Variants in SMPD3 observed in about 807,000 individuals in gnomAD.
The protein encoded by SMPD3 is sphingomyelin phosphodiesterase 3.
In SMPD3, 21 loss-of-function variants were observed where a neutral mutation model predicts 55.7. The ratio of observed to expected loss-of-function variants is 0.38; its 90% CI spans 0.27 to 0.54. The LOEUF (loss-of-function observed/expected upper bound fraction) is 0.54, where lower values mean the gene tolerates loss of function less well. Ranked by LOEUF, SMPD3 falls within the 20% of genes least tolerant of loss-of-function variation. The pLI is 0.80. For missense variants in SMPD3, 842 were observed against 899.6 expected (o/e 0.94, Z 0.82); for synonymous variants, 457 against 404.3 (o/e 1.13, Z -1.56).
intron 3 of SMPD3, 49 bp downstream of exon 3, chr16:68,370,800 CCTACATGGCT>C: frequency 1.3e-6 from 2 of 1,594,978 alleles, no homozygotes; most frequent in Non-Finnish European, 1.7e-6. Flanking sequence ...AGCCCCCCTG[CCTACATGGCT>C]CTAGGACCAG....
chr16:68,446,070 C>T (rs1186605122), intron 1 of SMPD3, among the ~76,000 whole-genome samples: 1 of 152,210 alleles, frequency 6.6e-6, no homozygotes, highest in Non-Finnish European at 1.5e-5. Context: ...TGCCTTGCAA[C>T]GTAGTCCTGC....
chr16:68,423,048 C>A (rs1233580320), intron 1 of SMPD3, among the ~76,000 whole-genome samples: 1 of 152,208 alleles, frequency 6.6e-6, no homozygotes, highest in Non-Finnish European at 1.5e-5. Flanking sequence ...ATCTTCACAA[C>A]AACCTAAGAG....
intron 2 of SMPD3, among the ~76,000 whole-genome samples, chr16:68,379,405 G>T (rs574111165): frequency 6.6e-6 from 1 of 152,350 alleles, no homozygotes; most frequent in African/African-American, 2.4e-5. Flanking sequence ...AGTTGCAGAT[G>T]GTGCACGTGC....
At chr16:68,412,579 T>C (rs942817043) in intron 1 of SMPD3, among the ~76,000 whole-genome samples, 1 of 152,246 alleles carries the variant, frequency 6.6e-6, no homozygotes, top group Non-Finnish European at 1.5e-5. Context: ...CTGCTTCATT[T>C]AACACACAGT....
intron 8 of SMPD3, 41 bp downstream of exon 8, chr16:68,361,562 T>TA: frequency 6.3e-7 from 1 of 1,598,642 alleles, no homozygotes; most frequent in Non-Finnish European, 8.5e-7. Context: ...GGCCCTGCTC[T>TA]CTCTTTGCAT....
chr16:68,432,353 T>C (rs2090487359), intron 1 of SMPD3, among the ~76,000 whole-genome samples: 1 of 152,160 alleles, frequency 6.6e-6, no homozygotes, highest in African/African-American at 2.4e-5. Flanking sequence ...AGGATTCTTA[T>C]ATAAGAGAAA....
intron 1 of SMPD3, among the ~76,000 whole-genome samples, chr16:68,394,564 G>A (rs535794877): frequency 2.6e-4 from 39 of 152,246 alleles, no homozygotes; most frequent in African/African-American, 7.7e-4. Context: ...TTTATTAGGC[G>A]CCTACTGCAT....
rs2088986196 is a variant in SMPD3, at chr16:68,358,574, T to A, written c.*2632A>T. The A allele has an allele frequency of 6.5e-6, 1 of 152,674 alleles. No individual in the cohort carries two copies. The highest frequency in any genetic ancestry group is 6.5e-5 in the Admixed American group (1 of 15,284). 9.5% of individuals were successfully genotyped at this position (152,674 alleles called of 1,614,324 possible). A position where few individuals can be genotyped will look rare whatever the true frequency, so the allele number is the denominator to read the frequency against. ...AAAAATACAGAAATTAAAAAAGTTTTTATAACAGTATTTCTAAATCTCAGC... is the reference window on the plus strand; with the variant it reads ...AAAAATACAGAAATTAAAAAAGTTTATATAACAGTATTTCTAAATCTCAGC... On this transcript the variant is annotated 3_prime_UTR_variant, in exon 9 of 9. Coordinates refer to ENST00000219334, the MANE Select transcript of SMPD3 (RefSeq NM_018667.4).
intron 1 of SMPD3, among the ~76,000 whole-genome samples, chr16:68,417,877 G>C (rs1380951901): frequency 1.3e-5 from 2 of 152,160 alleles, no homozygotes; most frequent in Non-Finnish European, 2.9e-5. Context: ...CTGTCTGCCG[G>C]TTACCAGCTC....
Position 68,404,774 on chromosome 16 carries a change from C to A in SMPD3, c.-268-18115G>T, listed in dbSNP as rs1016566133. On this transcript the variant is annotated intron_variant, in intron 1 of 8. Transcript: ENST00000219334. The surrounding 1 kb of genome is among the most constrained non-coding windows in gnomAD (Gnocchi z 4.0). The stretch of plus-strand genomic sequence containing the variant: ...CAGGAGTACAGCATAGAAAATAAGT[C>A]TTTCCATCCAAATTGGAAATGAAAA... Among the ~76,000 whole-genome samples, 1 of 152,190 alleles carries A rather than the reference C, an allele frequency of 6.6e-6. No individual in the cohort carries two copies. The highest frequency in any genetic ancestry group is 2.4e-5 in the African/African-American group (1 of 41,438).
At chr16:68,384,751 C>G (rs1367615505) in intron 2 of SMPD3, among the ~76,000 whole-genome samples, 2 of 152,010 alleles carry the variant, frequency 1.3e-5, no homozygotes, top group Admixed American at 6.6e-5. Flanking sequence ...GCCCCCCACT[C>G]CCCCCGCAAG....
intron 1 of SMPD3, among the ~76,000 whole-genome samples, chr16:68,427,401 C>T (rs912642714): frequency 6.6e-6 from 1 of 152,184 alleles, no homozygotes; most frequent in Non-Finnish European, 1.5e-5. Flanking sequence ...ATAATGAATG[C>T]ATCTAGTGAA....
intron 1 of SMPD3, among the ~76,000 whole-genome samples, chr16:68,430,794 ACT>A (rs1188678975): frequency 6.6e-6 from 1 of 151,852 alleles, no homozygotes; most frequent in African/African-American, 2.4e-5. Context: ...GAACCGGGAC[ACT>A]CTCTTTATGG....
chr16:68,379,888 TG>T, intron 2 of SMPD3, among the ~76,000 whole-genome samples: 1 of 152,214 alleles, frequency 6.6e-6, no homozygotes, highest in Non-Finnish European at 1.5e-5. Flanking sequence ...CGGGCGTGAC[TG>T]GAAAGCAAAT....
At chr16:68,374,748 C>T (rs909370474) in intron 2 of SMPD3, among the ~76,000 whole-genome samples, 4 of 152,222 alleles carry the variant, frequency 2.6e-5, no homozygotes, top group African/African-American at 4.8e-5. Context: ...AACCTGCAGC[C>T]CTCATTGTGT....
intron 3 of SMPD3, among the ~76,000 whole-genome samples, chr16:68,366,495 C>T (rs1029905364): frequency 3.9e-5 from 6 of 152,254 alleles, no homozygotes; most frequent in African/African-American, 7.2e-5. Context: ...CCCCGCCCCC[C>T]GAATGGCTCT....
intron 1 of SMPD3, among the ~76,000 whole-genome samples, chr16:68,445,674 C>G (rs756885416): frequency 6.6e-6 from 1 of 152,212 alleles, no homozygotes; most frequent in East Asian, 1.9e-4. Context: ...GGAGTGGATA[C>G]TTGTGGGAAC....
chr16:68,386,367 G>A (rs2090053025), intron 2 of SMPD3, among the ~76,000 whole-genome samples: 1 of 152,170 alleles, frequency 6.6e-6, no homozygotes, highest in Non-Finnish European at 1.5e-5. Context: ...TAGATTGGGT[G>A]TATTGCACTC....
rs2089681628 is a variant in SMPD3, at chr16:68,371,901, G to A, written c.281C>T (p.Pro94Leu). ...FWSPLQSARRPYIYSRLEDKG... is the reference protein window; with the variant it reads ...FWSPLQSARRLYIYSRLEDKG... ...GTCTTCCAGCCGTGAATAGATGTAG[G>A]GCCGGCGGGCCGACTGCAGTGGGGA... is the stretch of plus-strand genomic sequence containing the variant. Residue 94 changes from proline to leucine, a missense_variant, in exon 3 of 9, where the codon CCC becomes CTC. By Grantham distance (98) the Pro-to-Leu change is moderately conservative. This residue lies in a region of SMPD3 where 193 missense variants were observed against 256.0 expected (regional missense o/e 0.75). Transcript: ENST00000219334. 1 of 1,610,540 alleles carries A rather than the reference G, an allele frequency of 6.2e-7. No homozygotes were observed. The highest frequency in any genetic ancestry group is 2.2e-5 in the East Asian group (1 of 44,776).
Sources: allele counts gnomAD v4.1 joint callset (sites outside exome capture counted in the v4.1 genomes callset), GRCh38; gene constraint gnomAD v4.1.1; regional missense constraint gnomAD v4.1.1; non-coding constraint Gnocchi (gnomAD v3.1); transcripts MANE v1.5; gene names NCBI Gene and HGNC (gene_info 2026-07-23, HGNC 2026-07-21).